SP140: variants seen among roughly 807,000 people sequenced by gnomAD.
SP140 encodes the protein SP140 nuclear body protein, also known as nuclear body protein SP140.
Under a neutral mutation model 125.0 loss-of-function variants are expected in SP140, and 81 were observed. The observed-to-expected ratio is 0.65, with a 90% CI of 0.54 to 0.78. The LOEUF is 0.78. SP140 is among the 30% of genes least tolerant of loss of function. SP140 has a pLI of 0.00. For missense variants in SP140, 858 were observed against 1,037.0 expected (o/e 0.83, Z 2.37); for synonymous variants, 312 against 354.0 (o/e 0.88, Z 1.33).
At chr2:230,194,464 A>G in the SP140 span, among the ~76,000 whole-genome samples, 1 of 126,512 alleles carries the variant, frequency 7.9e-6, no homozygotes, top group African/African-American at 2.9e-5. Flanking sequence ...AATTAAAAAA[A>G]GAAAAAGGGA....
downstream of SP140, among the ~76,000 whole-genome samples, chr2:230,314,254 C>T (rs980966551): frequency 6.6e-6 from 1 of 152,176 alleles, no homozygotes; most frequent in African/African-American, 2.4e-5. Flanking sequence ...AGCTACCACC[C>T]CCACCCAACT....
intron 3 of SP140, chr2:230,238,976 G>C: frequency 6.6e-7 from 1 of 1,503,928 alleles, no homozygotes; most frequent in South Asian, 1.3e-5. Context: ...TCTGGAGAAA[G>C]AAGTTGAAGT....
intron 12 of SP140, among the ~76,000 whole-genome samples, chr2:230,262,048 T>A (rs2052357585): frequency 6.6e-6 from 1 of 152,202 alleles, no homozygotes; most frequent in Non-Finnish European, 1.5e-5. Context: ...TTTGACTGTC[T>A]GGTAGCATTC....
At chr2:230,231,705 C>G (rs997767195) in intron 1 of SP140, among the ~76,000 whole-genome samples, 2 of 151,958 alleles carry the variant, frequency 1.3e-5, no homozygotes, top group African/African-American at 4.8e-5. Flanking sequence ...CTCCCTCCAC[C>G]CTTTTTTTTC....
chr2:230,220,062 CTGAAGGCAGGTCGG>C, intron 3 of SP140: 1 of 985,572 alleles, frequency 1.0e-6, no homozygotes, highest in Non-Finnish European at 1.2e-6. Flanking sequence ...AAGCCGGAAG[CTGAAGGCAGGTCGG>C]TGCCTGCAGC....
At chr2:230,186,937 C>T in the SP140 span, among the ~76,000 whole-genome samples, 2 of 152,192 alleles carry the variant, frequency 1.3e-5, no homozygotes, top group Admixed American at 1.3e-4. Flanking sequence ...CCTATCTTTA[C>T]AATTGTGAAT....
intron 20 of SP140, among the ~76,000 whole-genome samples, chr2:230,293,292 G>A (rs1263452105): frequency 1.3e-5 from 2 of 152,184 alleles, no homozygotes; most frequent in East Asian, 3.8e-4. Flanking sequence ...CAAGGATTCA[G>A]TGAAATCTTC....
chr2:230,251,870 C>T (rs2050419422), intron 10 of SP140, among the ~76,000 whole-genome samples: 1 of 152,090 alleles, frequency 6.6e-6, no homozygotes, highest in African/African-American at 2.4e-5. Flanking sequence ...GCCAGAAACA[C>T]AGACGTACAT....
At chr2:230,293,474 C>A (rs928316674) in intron 20 of SP140, among the ~76,000 whole-genome samples, 3 of 152,246 alleles carry the variant, frequency 2.0e-5, no homozygotes, top group Admixed American at 2.0e-4. Context: ...GTAGCTGGAA[C>A]TACGGTTGTG....
At chr2:230,232,517 G>A (rs908044903) in intron 1 of SP140, among the ~76,000 whole-genome samples, 2 of 152,224 alleles carry the variant, frequency 1.3e-5, no homozygotes, top group East Asian at 1.9e-4. Flanking sequence ...ATGTCTTTGC[G>A]TGTTGAAGCT....
At chr2:230,197,560 T>C in the SP140 span, among the ~76,000 whole-genome samples, 2 of 148,916 alleles carry the variant, frequency 1.3e-5, no homozygotes, top group Admixed American at 1.3e-4. Context: ...AGATCCCATT[T>C]GTCAATTTTG....
At chr2:230,315,818 T>C, downstream of SP140, among the ~76,000 whole-genome samples, 1 of 152,216 alleles carries the variant, frequency 6.6e-6, no homozygotes, top group East Asian at 1.9e-4. Flanking sequence ...TGCCCTCTGG[T>C]ATCTCCTGGT....
intron 12 of SP140, among the ~76,000 whole-genome samples, chr2:230,267,199 A>G (rs1273967002): frequency 6.6e-6 from 1 of 152,194 alleles, no homozygotes; most frequent in Non-Finnish European, 1.5e-5. Flanking sequence ...GATTGTAGTA[A>G]TCTGGTTAGG....
At chr2:230,242,070 C>T (rs1048280382) in intron 4 of SP140, among the ~76,000 whole-genome samples, 1 of 151,652 alleles carries the variant, frequency 6.6e-6, no homozygotes, top group African/African-American at 2.4e-5. Flanking sequence ...ATGGGAGAAA[C>T]AGAAATGGAA....
chr2:230,309,782 A>T, intron 22 of SP140, 142 bp from the exon 23 acceptor site: 1 of 756,556 alleles, frequency 1.3e-6, no homozygotes, highest in East Asian at 2.6e-5. Context: ...TCTCCATGCC[A>T]TGTTTTTCCT....
chr2:230,264,198 T>C (rs1465057149), intron 12 of SP140, among the ~76,000 whole-genome samples: 2 of 152,100 alleles, frequency 1.3e-5, no homozygotes, highest in Admixed American at 6.5e-5. Flanking sequence ...CTTTGTTGGA[T>C]TGGGTTAATT....
At chr2:230,277,208 C>T (rs1038649489) in intron 15 of SP140, among the ~76,000 whole-genome samples, 50 of 152,126 alleles carry the variant, frequency 3.3e-4, no homozygotes, top group African/African-American at 1.2e-3. Context: ...AACTTCATTA[C>T]TGTCTTATTT....
At chr2:230,255,599 G>A (rs775497063) in intron 12 of SP140, 67 bp downstream of exon 12, 29 of 1,447,210 alleles carry the variant, frequency 2.0e-5, no homozygotes, top group South Asian at 8.0e-5. Flanking sequence ...TTTGGAGCTC[G>A]TGTTTCCTGA....
intron 12 of SP140, 137 bp from the exon 13 acceptor site, chr2:230,269,395 T>C (rs1403980571): frequency 3.1e-6 from 2 of 643,234 alleles, no homozygotes; most frequent in Admixed American, 2.6e-5. Context: ...AATGTGATTA[T>C]TGGAGCAGGT....
Sources: gnomAD v4.1 joint callset for allele counts (sites outside exome capture counted in the v4.1 genomes callset) on GRCh38, gnomAD v4.1.1 for gene constraint, MANE v1.5 for transcripts, NCBI Gene and HGNC (gene_info 2026-07-23, HGNC 2026-07-21) for gene names.